Variants in ZNF567 observed in about 807,000 individuals in gnomAD.
The protein encoded by ZNF567 is zinc finger protein 567.
Under a neutral mutation model 53.9 loss-of-function variants are expected in ZNF567, and 36 were observed. That is an observed-to-expected ratio of 0.67 (90% CI 0.51 to 0.88). The LOEUF (loss-of-function observed/expected upper bound fraction) is 0.88, where lower values mean the gene tolerates loss of function less well. ZNF567 is among the 40% of genes least tolerant of loss of function. The pLI, the probability that ZNF567 is intolerant of heterozygous loss-of-function variation, is 0.00. For synonymous variants in ZNF567, 224 were observed against 260.4 expected (o/e 0.86, Z 1.35); for missense variants, 619 against 764.7 (o/e 0.81, Z 2.25).
the ZNF567 span, among the ~76,000 whole-genome samples, chr19:36,679,698 T>G: frequency 6.6e-6 from 1 of 152,132 alleles, no homozygotes; most frequent in East Asian, 1.9e-4. Flanking sequence ...ACCTAGAGGA[T>G]ATTATGTTAA....
chr19:36,684,721 G>C (rs3108557), upstream of ZNF567, among the ~76,000 whole-genome samples: 4 of 152,142 alleles, frequency 2.6e-5, no homozygotes, highest in South Asian at 4.1e-4. Context: ...CATAGGCAAA[G>C]AAATGGAATT....
intron 3 of ZNF567, among the ~76,000 whole-genome samples, chr19:36,696,959 A>G (rs371198958): frequency 2.0e-5 from 3 of 152,358 alleles, no homozygotes; most frequent in African/African-American, 7.2e-5. Context: ...TTCTGTACCA[A>G]TAACACTAAA....
chr19:36,719,862 C>G lies in ZNF567; in HGVS notation c.1138C>G (p.Leu380Val), dbSNP rs763322819. The G allele has an allele frequency of 1.2e-6, 2 of 1,614,084 alleles. No individual in the cohort carries two copies. The highest frequency in any genetic ancestry group is 2.2e-5 in the South Asian group (2 of 91,086). ...GAAGTCCTTCCGCCAGAAGACAACACTCTCTCTACATCAGAGAATCCATAC... is the reference window on the plus strand; with the variant it reads ...GAAGTCCTTCCGCCAGAAGACAACAGTCTCTCTACATCAGAGAATCCATAC... ...CGKSFRQKTT[L>V]SLHQRIHTGE... is the part of the protein sequence containing the mutation. Residue 380 changes from leucine (L) to valine (V), a missense_variant, in exon 6 of 6, where the codon CTC becomes GTC. Transcript: ENST00000682579.
chr19:36,722,006 G>A (rs1289728826), downstream of ZNF567, among the ~76,000 whole-genome samples: 1 of 152,074 alleles, frequency 6.6e-6, no homozygotes, highest in East Asian at 1.9e-4. Context: ...GCCTCCCAAA[G>A]TGCTGGGATT....
chr19:36,692,836 C>G (rs544914463), intron 2 of ZNF567, among the ~76,000 whole-genome samples: 2 of 152,200 alleles, frequency 1.3e-5, no homozygotes, highest in African/African-American at 4.8e-5. Flanking sequence ...TTAAAAAGAG[C>G]CTGCTGCAAG....
chr19:36,672,121 C>T, the ZNF567 span, among the ~76,000 whole-genome samples: 1 of 152,180 alleles, frequency 6.6e-6, no homozygotes, highest in Non-Finnish European at 1.5e-5. Flanking sequence ...TGTTCTGGGA[C>T]ATCCCCAAAG....
At chr19:36,698,034 A>T (rs1297760202) in intron 3 of ZNF567, among the ~76,000 whole-genome samples, 1 of 150,320 alleles carries the variant, frequency 6.7e-6, no homozygotes, top group African/African-American at 2.5e-5. Context: ...TTAACTCGTC[A>T]TTTAGCATTA....
chr19:36,706,173 C>G (rs934257742), intron 3 of ZNF567, among the ~76,000 whole-genome samples: 11 of 152,298 alleles, frequency 7.2e-5, no homozygotes, highest in Admixed American at 6.5e-5. Flanking sequence ...CCACATGCTA[C>G]GTGAAGCCCC....
the ZNF567 span, among the ~76,000 whole-genome samples, chr19:36,673,697 GACACAC>G: frequency 4.4e-4 from 65 of 149,200 alleles, no homozygotes; most frequent in African/African-American, 1.5e-3. Context: ...CACAGACACA[GACACAC>G]ACACACACAC....
intron 2 of ZNF567, among the ~76,000 whole-genome samples, chr19:36,692,742 G>C (rs946075362): frequency 1.3e-5 from 2 of 152,106 alleles, no homozygotes; most frequent in Non-Finnish European, 2.9e-5. Context: ...GAGACGCTAG[G>C]TGAAAGGTGA....
chr19:36,707,634 A>G (rs1354564829), intron 3 of ZNF567, among the ~76,000 whole-genome samples: 3 of 151,920 alleles, frequency 2.0e-5, no homozygotes, highest in Admixed American at 6.6e-5. Flanking sequence ...CTAGAGTGCA[A>G]TGGTGTGATC....
chr19:36,668,844 A>C, the ZNF567 span: 2 of 152,204 alleles, frequency 1.3e-5, no homozygotes, highest in African/African-American at 4.8e-5. Context: ...TTTGCACTTG[A>C]AACTGTCAGT....
At chr19:36,696,423 T>C (rs1456058926) in intron 3 of ZNF567, among the ~76,000 whole-genome samples, 1 of 152,162 alleles carries the variant, frequency 6.6e-6, no homozygotes, top group East Asian at 1.9e-4. Flanking sequence ...ATATCCAGCC[T>C]CCAGCTAGAT....
the ZNF567 span, among the ~76,000 whole-genome samples, chr19:36,682,606 TA>T: frequency 4.4e-3 from 654 of 147,810 alleles, 11 homozygotes; most frequent in Admixed American, 0.026. Flanking sequence ...TTATTATTAT[TA>T]TTATTATTTT....
At chr19:36,693,096 T>C (rs774836015) in intron 2 of ZNF567, among the ~76,000 whole-genome samples, 2 of 151,604 alleles carry the variant, frequency 1.3e-5, no homozygotes, top group African/African-American at 4.9e-5. Context: ...GAGACTAGCC[T>C]AAGCAACATA....
chr19:36,723,191 G>C (rs766299493), downstream of ZNF567: 1 of 702,820 alleles, frequency 1.4e-6, no homozygotes, highest in South Asian at 1.5e-5. Context: ...TTTTCTAGGT[G>C]GAGAGGATGG....
At chr19:36,699,472 G>C (rs2039062716) in intron 3 of ZNF567, among the ~76,000 whole-genome samples, 2 of 152,190 alleles carry the variant, frequency 1.3e-5, no homozygotes, top group Admixed American at 1.3e-4. Context: ...GTCAGTGGTA[G>C]CTTGATGGGG....
At position 36,701,791 on chromosome 19, in the gene ZNF567, C is replaced by G. The variant is rs933249019; in HGVS notation, c.9+6915C>G. The stretch of plus-strand genomic sequence containing the variant: ...TCCATTTGCTTGGTAGATCTTCCTC[C>G]ATCCTTTTATTTTGAGCCTATGTGT... On this transcript the variant is annotated intron_variant, in intron 3 of 5. Coordinates refer to ENST00000682579, the MANE Select transcript of ZNF567 (RefSeq NM_001322917.1). Among the ~76,000 whole-genome samples, 7 of 147,136 alleles carry G rather than the reference C, an allele frequency of 4.8e-5. No homozygotes were observed. The Admixed American group carries it at 4.8e-4, about 10-fold the overall frequency.
intron 5 of ZNF567, among the ~76,000 whole-genome samples, chr19:36,717,009 A>G (rs2040097269): frequency 6.6e-6 from 1 of 151,926 alleles, no homozygotes; most frequent in Admixed American, 6.6e-5. Flanking sequence ...TTGTATTTTT[A>G]GTAGGGACAG....
Sources: allele counts gnomAD v4.1 joint callset (sites outside exome capture counted in the v4.1 genomes callset), GRCh38; gene constraint gnomAD v4.1.1; transcripts MANE v1.5; gene names NCBI Gene and HGNC (gene_info 2026-07-23, HGNC 2026-07-21).